The following FAM50B variants were observed in gnomAD, a reference collection of about 807,000 sequenced individuals.
The protein encoded by FAM50B is protein FAM50B.
Under a neutral mutation model 25.4 loss-of-function variants are expected in FAM50B, and 9 were observed. The ratio of observed to expected loss-of-function variants is 0.35; its 90% CI spans 0.21 to 0.62. The LOEUF is 0.62. Among genes scored for constraint, FAM50B ranks in the 20% least tolerant of loss-of-function variants. FAM50B has a pLI of 0.73. For synonymous variants in FAM50B, 212 were observed against 204.3 expected, an observed-to-expected ratio of 1.04 and a Z score of -0.32; for missense variants, 372 against 477.9, an observed-to-expected ratio of 0.78 and a Z score of 2.07.
In FAM50B at chr6:3,850,267, C is replaced by T. The variant is rs745966134; in HGVS notation, c.456C>T (p.Phe152=). ...LGKNPDVDTS[F]LPDRDREEEE... is the part of the protein sequence containing the mutation. ...AGAACCCCGACGTGGACACCAGCTT[C>T]CTGCCAGACCGCGACCGCGAGGAGG... The change falls in exon 2 of 2, where the codon TTC becomes TTT. Residue 152 remains phenylalanine (F), a synonymous_variant. Coordinates refer to ENST00000648326, the MANE Select transcript of FAM50B (RefSeq NM_012135.3). 6.2e-7 allele frequency: 1 copy of T among 1,613,160 alleles called. No homozygotes were observed. The highest frequency in any genetic ancestry group is 8.5e-7 in the Non-Finnish European group (1 of 1,179,806).
chr6:3,849,964 G>T lies in FAM50B; in HGVS notation c.153G>T (p.Ala51=), dbSNP rs754614628. 6.2e-7 allele frequency: 1 copy of T among 1,613,876 alleles called. No homozygotes were observed. The highest frequency in any genetic ancestry group is 8.5e-7 in the Non-Finnish European group (1 of 1,179,962). Reference sequence around the variant, plus strand: ...CGCAGGTGGACAAGAGGTTCTCGGCGCATTACGACGCCGTGGAGGCCGAGC... The same window carrying T: ...CGCAGGTGGACAAGAGGTTCTCGGCTCATTACGACGCCGTGGAGGCCGAGC... ...LKSQVDKRFS[A]HYDAVEAELK... is the part of the protein sequence containing the mutation. Residue 51 remains alanine (A), a synonymous_variant, in exon 2 of 2, where the codon GCG becomes GCT. Transcript: ENST00000648326.
In FAM50B at chr6:3,850,247, C is replaced by T; in HGVS notation, c.436C>T (p.Pro146Ser). 1.2e-6 allele frequency: 2 copies of T among 1,613,234 alleles called. No individual in the cohort carries two copies. Among genetic ancestry groups the T allele is most frequent in the Middle Eastern group, 1.6e-4 (1 of 6,062 alleles). The change falls in exon 2 of 2, where the codon CCC (proline) becomes TCC (serine). Residue 146 changes from proline to serine, a missense_variant. Around this residue, in one of 4 missense-constraint regions of FAM50B, gnomAD observed 224 missense variants for 232.2 expected, o/e 0.96. Coordinates refer to ENST00000648326, the MANE Select transcript of FAM50B (RefSeq NM_012135.3). ...GCGCGCCGGAAACCTGGGCAAGAAC[C>T]CCGACGTGGACACCAGCTTCCTGCC... ...ARRAGNLGKN[P>S]DVDTSFLPDR... is the part of the protein sequence containing the mutation.
chr6:3,833,865 A>G, the FAM50B span: 50 of 152,360 alleles, frequency 3.3e-4, no homozygotes, highest in African/African-American at 1.2e-3. Flanking sequence ...CAGATAAATG[A>G]GTTATTAAAT....
At chr6:3,832,713 A>T in the FAM50B span, among the ~76,000 whole-genome samples, 1 of 152,202 alleles carries the variant, frequency 6.6e-6, no homozygotes, top group Admixed American at 6.5e-5. Flanking sequence ...CTTTGGGTGA[A>T]CCCAGGCTAA....
chr6:3,850,531 G>A lies in FAM50B; in HGVS notation c.720G>A (p.Glu240=). ...TGGAGCAGCTCATGTTCATCAAGGA[G>A]GACCTCATCCTGCCGCACTACCACA... ...AGVEQLMFIK[E]DLILPHYHTF... The change falls in exon 2 of 2, where the codon GAG becomes GAA. Residue 240 remains glutamate (E), a synonymous_variant. Transcript: ENST00000648326. The A allele has an allele frequency of 1.9e-6, 3 of 1,613,974 alleles. No homozygotes were observed. Among genetic ancestry groups the A allele is most frequent in the South Asian group, 1.1e-5 (1 of 91,088 alleles).
chr6:3,850,140 G>A lies in FAM50B; in HGVS notation c.329G>A (p.Arg110Gln). The change falls in exon 2 of 2, where the codon CGG (arginine) becomes CAG (glutamine). Residue 110 changes from arginine (R) to glutamine (Q), a missense_variant. Transcript: ENST00000648326. ...QQERQREQEQ[R>Q]RERKRKISCL... ...GAGCGGCAGCGGGAGCAGGAGCAGC[G>A]GCGCGAGCGCAAGCGTAAGATCTCC... is the stretch of plus-strand genomic sequence containing the variant. 1 of 1,610,892 alleles carries A rather than the reference G, an allele frequency of 6.2e-7. No individual in the cohort carries two copies. The highest frequency in any genetic ancestry group is 1.1e-5 in the South Asian group (1 of 90,928).
At chr6:3,832,413 C>T in the FAM50B span, among the ~76,000 whole-genome samples, 2 of 152,212 alleles carry the variant, frequency 1.3e-5, 1 homozygote, top group South Asian at 4.1e-4. Flanking sequence ...ATGTTCTCCT[C>T]CCTGCTCCTT....
the FAM50B span, among the ~76,000 whole-genome samples, chr6:3,839,376 C>T: frequency 5.3e-5 from 8 of 152,142 alleles, no homozygotes; most frequent in African/African-American, 1.9e-4. Context: ...AAACATCTCC[C>T]ACTAGGTTCT....
the FAM50B span, among the ~76,000 whole-genome samples, chr6:3,840,735 C>T: frequency 9.2e-5 from 14 of 152,204 alleles, no homozygotes; most frequent in Non-Finnish European, 2.9e-5. Context: ...TTTTCTGCCA[C>T]GTGTGCCCTG....
upstream of FAM50B, among the ~76,000 whole-genome samples, chr6:3,847,635 A>G (rs779481008): frequency 6.6e-6 from 1 of 152,224 alleles, no homozygotes; most frequent in Non-Finnish European, 1.5e-5. Context: ...TATCATTCAT[A>G]TGTTTACCAG....
chr6:3,843,326 T>C, the FAM50B span, among the ~76,000 whole-genome samples: 1 of 152,130 alleles, frequency 6.6e-6, no homozygotes, highest in South Asian at 2.1e-4. Context: ...AAGAGAAAAA[T>C]AGACAGGAAA....
chr6:3,839,426 AG>A, the FAM50B span, among the ~76,000 whole-genome samples: 1 of 152,034 alleles, frequency 6.6e-6, no homozygotes, highest in South Asian at 2.1e-4. Flanking sequence ...TGAGGTTTGG[AG>A]GGTCAAATAT....
rs372307912 is a variant in FAM50B at position 3,851,168 on chromosome 6, T to G, written c.*379T>G. On this transcript the variant is annotated 3_prime_UTR_variant, in exon 2 of 2. Transcript: ENST00000648326. ...ACAGCCTCCTCCTTGCTGTGTAGTT[T>G]TGGGTAAGCTTATTAAACCCCCATG... The G allele has an allele frequency of 2.1e-5, 5 of 237,270 alleles. No homozygotes were observed. The highest frequency in any genetic ancestry group is 1.1e-4 in the African/African-American group (5 of 43,710). The allele number at this position is 237,270 out of a possible 1,614,324, so 14.7% of individuals were successfully genotyped here.
At chr6:3,835,215 A>G in the FAM50B span, among the ~76,000 whole-genome samples, 2 of 152,162 alleles carry the variant, frequency 1.3e-5, no homozygotes, top group African/African-American at 4.8e-5. Context: ...CAACCAGGAC[A>G]CTAGAAATGG....
chr6:3,844,237 G>A, the FAM50B span, among the ~76,000 whole-genome samples: 2 of 152,244 alleles, frequency 1.3e-5, no homozygotes, highest in Non-Finnish European at 2.9e-5. Context: ...GCCTGGAGGA[G>A]GGCACATTTT....
In FAM50B at chr6:3,850,406, C is replaced by G; in HGVS notation, c.595C>G (p.Arg199Gly). 1 of 1,613,348 alleles carries G rather than the reference C, an allele frequency of 6.2e-7. No homozygotes were observed. Among genetic ancestry groups the G allele is most frequent in the Non-Finnish European group, 8.5e-7 (1 of 1,179,928 alleles). Residue 199 changes from arginine to glycine, a missense_variant, in exon 2 of 2, where the codon CGC becomes GGC. Coordinates refer to ENST00000648326, the MANE Select transcript of FAM50B (RefSeq NM_012135.3). ...CTACTGGGACGGCTCGGGCCACCGG[C>G]GCACGGTGCGGGTGCGCAAGGGCAA... The part of the protein sequence containing the change: ...FSYWDGSGHR[R>G]TVRVRKGNTV...
chr6:3,849,674 A>G (rs1762174382), intron 1 of FAM50B, 115 bp from the exon 2 acceptor site: 2 of 1,412,452 alleles, frequency 1.4e-6, no homozygotes, highest in Admixed American at 2.9e-5. Flanking sequence ...AGGTCGGCCC[A>G]GCCCCTGAAC....
At chr6:3,846,837 A>T (rs535346082), upstream of FAM50B, among the ~76,000 whole-genome samples, 1 of 152,344 alleles carries the variant, frequency 6.6e-6, no homozygotes, top group African/African-American at 2.4e-5. Flanking sequence ...AGTCAAAATT[A>T]CTCCTTGATC....
chr6:3,836,659 T>C, the FAM50B span, among the ~76,000 whole-genome samples: 1 of 152,216 alleles, frequency 6.6e-6, no homozygotes, highest in East Asian at 1.9e-4. Flanking sequence ...AGGAACAGTG[T>C]GTCTGAAAAT....
Sources: gnomAD v4.1 joint callset for allele counts (sites outside exome capture counted in the v4.1 genomes callset) on GRCh38, gnomAD v4.1.1 for gene constraint, gnomAD v4.1.1 regional missense constraint, MANE v1.5 for transcripts, NCBI Gene and HGNC (gene_info 2026-07-23, HGNC 2026-07-21) for gene names.